DLGAP2: variants seen among roughly 807,000 people sequenced by gnomAD.
DLGAP2 encodes the protein disks large-associated protein 2.
A neutral mutation model predicts 100.3 loss-of-function variants in DLGAP2; 26 were observed. That is an observed-to-expected ratio of 0.26 (90% confidence interval 0.19 to 0.36). DLGAP2 has a LOEUF of 0.36. DLGAP2 is among the 10% of genes least tolerant of loss of function. The probability of loss-of-function intolerance (pLI) is 1.00; values close to 1 mark genes in which losing one functional copy is unlikely to be tolerated. For synonymous variants in DLGAP2, 886 were observed against 630.1 expected, an observed-to-expected ratio of 1.41 and a Z score of -6.08; for missense variants, 1,858 against 1,453.2, an observed-to-expected ratio of 1.28 and a Z score of -4.53.
chr8:1,130,582 T>A (rs1796271116), intron 2 of DLGAP2, among the ~76,000 whole-genome samples: 2 of 152,102 alleles, frequency 1.3e-5, no homozygotes, highest in South Asian at 2.1e-4. Context: ...CTGTAACTGG[T>A]CCCTGGCGAC....
chr8:1,039,827 G>T (rs537297977), intron 2 of DLGAP2, among the ~76,000 whole-genome samples: 2 of 147,340 alleles, frequency 1.4e-5, no homozygotes, highest in East Asian at 2.1e-4. Flanking sequence ...GGTGTGCATG[G>T]TCGGCTCGGT....
intron 3 of DLGAP2, chr8:1,300,313 C>T (rs983231256): frequency 6.6e-6 from 1 of 152,184 alleles, no homozygotes; most frequent in African/African-American, 2.4e-5. Flanking sequence ...TACTTGGACC[C>T]TCCAGGGGAC....
chr8:787,649 C>G (rs750715136), intron 1 of DLGAP2, among the ~76,000 whole-genome samples: 8 of 152,322 alleles, frequency 5.3e-5, no homozygotes, highest in South Asian at 4.1e-4. Context: ...GCCTCTTCCC[C>G]CCTTGGCCTT....
Position 1,616,849 on chromosome 8 carries a change from T to C in DLGAP2, c.1443-9891T>C, listed in dbSNP as rs149318961. ...TATTTCGTCATCCAGGTAATAAGCA[T>C]TGCACCTAATAGGTATTTTTTTCTG... On this transcript the variant is annotated intron_variant, in intron 6 of 14. Coordinates refer to ENST00000637795, the MANE Select transcript of DLGAP2 (RefSeq NM_001346810.2). Among the ~76,000 whole-genome samples, 347 of 152,304 alleles carry C rather than the reference T, an allele frequency of 2.3e-3. 1 individual carries two copies. Among genetic ancestry groups the C allele is most frequent in the African/African-American group, 8.1e-3 (337 of 41,574 alleles).
chr8:1,087,318 T>C (rs1804007559), intron 2 of DLGAP2, among the ~76,000 whole-genome samples: 2 of 152,212 alleles, frequency 1.3e-5, no homozygotes, highest in South Asian at 4.1e-4. Flanking sequence ...CCCAGACTCT[T>C]TCCCTTCATC....
At chr8:1,092,325 A>G (rs1485855377) in intron 2 of DLGAP2, among the ~76,000 whole-genome samples, 5 of 152,200 alleles carry the variant, frequency 3.3e-5, no homozygotes, top group African/African-American at 4.8e-5. Context: ...CTGATGTGCA[A>G]TATGTGTGCT....
intron 6 of DLGAP2, among the ~76,000 whole-genome samples, chr8:1,580,312 G>A (rs1188739971): frequency 6.6e-6 from 1 of 152,194 alleles, no homozygotes; most frequent in African/African-American, 2.4e-5. Context: ...AAAGACCACA[G>A]ATGGGGTTCA....
chr8:1,055,896 A>G (rs781392139), intron 2 of DLGAP2, among the ~76,000 whole-genome samples: 4 of 152,168 alleles, frequency 2.6e-5, no homozygotes, highest in Non-Finnish European at 5.9e-5. Context: ...CTGCTTCTCA[A>G]TCTTCAGATG....
intron 2 of DLGAP2, among the ~76,000 whole-genome samples, chr8:1,171,063 G>A (rs1443555419): frequency 2.6e-5 from 4 of 151,722 alleles, no homozygotes; most frequent in African/African-American, 7.3e-5. Context: ...GAATGTGTCC[G>A]AGATTCTGGT....
intron 3 of DLGAP2, among the ~76,000 whole-genome samples, chr8:1,457,975 CATATATATATATATATAT>C (rs57897392): frequency 0.012 from 1,336 of 107,744 alleles, 52 homozygotes; most frequent in African/African-American, 0.038. Flanking sequence ...GTTCTCTGAT[CATATATATATATATATAT>C]ATATATATAT....
At chr8:1,636,011 G>A (rs146080462) in intron 8 of DLGAP2, among the ~76,000 whole-genome samples, 22 of 152,140 alleles carry the variant, frequency 1.4e-4, no homozygotes, top group African/African-American at 5.1e-4. Context: ...GCATATAAAC[G>A]TTCCTTCGTC....
intron 2 of DLGAP2, among the ~76,000 whole-genome samples, chr8:1,124,738 T>G (rs1796127048): frequency 6.6e-6 from 1 of 152,224 alleles, no homozygotes; most frequent in Non-Finnish European, 1.5e-5. Flanking sequence ...TCAGTGTCAT[T>G]GCTGTCATCT....
At chr8:1,048,919 T>G (rs1020665069) in intron 2 of DLGAP2, among the ~76,000 whole-genome samples, 3 of 152,204 alleles carry the variant, frequency 2.0e-5, no homozygotes, top group African/African-American at 7.2e-5. Context: ...TAAAACTGCA[T>G]GAACAGACTC....
chr8:1,577,138 A>T (rs1296894118), intron 6 of DLGAP2, among the ~76,000 whole-genome samples: 1 of 152,220 alleles, frequency 6.6e-6, no homozygotes, highest in Non-Finnish European at 1.5e-5. Context: ...GTGAATTTCT[A>T]ATGTTCTCAT....
chr8:1,427,066 TTTAG>T (rs749724501), intron 3 of DLGAP2, among the ~76,000 whole-genome samples: 11 of 152,212 alleles, frequency 7.2e-5, no homozygotes, highest in African/African-American at 2.2e-4. Flanking sequence ...TTTAATAAAC[TTTAG>T]TTAAGGCAAA....
intron 2 of DLGAP2, among the ~76,000 whole-genome samples, chr8:948,495 A>G (rs1799389166): frequency 6.6e-6 from 1 of 152,162 alleles, no homozygotes; most frequent in Non-Finnish European, 1.5e-5. Context: ...CTGCTGGGTG[A>G]TGGCGGGGTC....
At chr8:1,607,464 ATCTTT>A (rs1210609330) in intron 6 of DLGAP2, among the ~76,000 whole-genome samples, 1 of 152,236 alleles carries the variant, frequency 6.6e-6, no homozygotes, top group Non-Finnish European at 1.5e-5. Context: ...CAATATTGCT[ATCTTT>A]TCTTAGAAAT....
chr8:1,621,957 G>A (rs1797353782), intron 6 of DLGAP2: 1 of 152,202 alleles, frequency 6.6e-6, no homozygotes. Flanking sequence ...TCCTGCAAGG[G>A]CACAGAAAGC....
At chr8:1,603,476 C>T (rs1469520456) in intron 6 of DLGAP2, among the ~76,000 whole-genome samples, 6 of 148,580 alleles carry the variant, frequency 4.0e-5, no homozygotes, top group South Asian at 2.1e-4. Context: ...TCTGTAGAGG[C>T]TGGTTAGAGT....
Sources: gnomAD v4.1 joint callset for allele counts (sites outside exome capture counted in the v4.1 genomes callset) on GRCh38, gnomAD v4.1.1 for gene constraint, MANE v1.5 for transcripts, NCBI Gene and HGNC (gene_info 2026-07-23, HGNC 2026-07-21) for gene names.